NDUFAF6: variants seen among roughly 807,000 people sequenced by gnomAD.
NDUFAF6 encodes NADH:ubiquinone oxidoreductase complex assembly factor 6, also known as NADH dehydrogenase (ubiquinone) complex I, assembly factor 6.
In NDUFAF6, 45 loss-of-function variants were observed where a neutral mutation model predicts 40.8. The observed-to-expected ratio is 1.10, with a 90% CI of 0.87 to 1.42. NDUFAF6 has a LOEUF of 1.42. Ranked by LOEUF, NDUFAF6 falls within the 40% of genes most tolerant of loss-of-function variation. NDUFAF6 has a pLI of 0.00. For missense variants in NDUFAF6, 435 were observed against 418.5 expected (o/e 1.04, Z -0.34); for synonymous variants, 185 against 155.9 (o/e 1.19, Z -1.39).
downstream of NDUFAF6, among the ~76,000 whole-genome samples, chr8:95,077,265 A>G (rs889405102): frequency 6.6e-5 from 10 of 152,202 alleles, no homozygotes; most frequent in Admixed American, 5.9e-4. Flanking sequence ...TACAGTCTGG[A>G]GAGGGAGACA....
rs1396645533 is a variant in NDUFAF6, at chr8:95,049,247, G to C, written c.816+689G>C. ...TTTGACACCATAGACGTCTCTCTCT[G>C]TGTCACTTTCTGATTTTTCTTCCAT... On this transcript the variant is annotated intron_variant, in intron 7 of 8. Transcript: ENST00000396124. Among the ~76,000 whole-genome samples, 5 of 151,736 alleles carry C rather than the reference G, an allele frequency of 3.3e-5. 1 individual carries two copies. Among genetic ancestry groups the C allele is most frequent in the Admixed American group, 2.0e-4 (3 of 15,248 alleles).
chr8:94,935,431 C>A (rs2131340433), intron 1 of NDUFAF6, among the ~76,000 whole-genome samples: 1 of 152,296 alleles, frequency 6.6e-6, no homozygotes, highest in African/African-American at 2.4e-5. Flanking sequence ...TAGCTATATT[C>A]TCTGGACAAA....
chr8:95,111,322 A>G (rs1303032506), intron 4 of NDUFAF6, among the ~76,000 whole-genome samples: 1 of 152,234 alleles, frequency 6.6e-6, no homozygotes, highest in African/African-American at 2.4e-5. Context: ...TGCACAGACA[A>G]GTTGGAATAC....
intron 1 of NDUFAF6, among the ~76,000 whole-genome samples, chr8:94,937,667 G>A (rs1311334166): frequency 6.6e-6 from 1 of 151,888 alleles, no homozygotes; most frequent in African/African-American, 2.4e-5. Context: ...TGGATGCAAT[G>A]GTCCTAGGAC....
In NDUFAF6 at chr8:94,939,107, G is replaced by A. The variant is rs141268490; in HGVS notation, c.-935-6376G>A. 4.6e-5 allele frequency among the ~76,000 whole-genome samples: 7 copies of A among 152,334 alleles called. No individual in the cohort carries two copies. In the East Asian group the frequency reaches 1.3e-3, roughly 29 times the overall value. On this transcript the variant is annotated intron_variant, in intron 1 of 14. Coordinates refer to the NDUFAF6 transcript ENST00000396113. Reference sequence around the variant, plus strand: ...AGCACTGGGTGACTGTGCAGTGTGAGTATTGCAGGAAGAAACTGAGTTTGT... The same window carrying A: ...AGCACTGGGTGACTGTGCAGTGTGAATATTGCAGGAAGAAACTGAGTTTGT...
chr8:94,910,899 G>T (rs1269177385), intron 1 of NDUFAF6, among the ~76,000 whole-genome samples: 1 of 152,134 alleles, frequency 6.6e-6, no homozygotes, highest in African/African-American at 2.4e-5. Context: ...AATATATCAT[G>T]CAATTTTTTA....
At chr8:94,937,986 G>A (rs780775016) in intron 1 of NDUFAF6, among the ~76,000 whole-genome samples, 21 of 152,294 alleles carry the variant, frequency 1.4e-4, no homozygotes, top group Non-Finnish European at 2.8e-4. Flanking sequence ...CCCTTCCAGA[G>A]ATGGAAAAGT....
intron 1 of NDUFAF6, chr8:94,940,146 G>A (rs768358483): frequency 6.2e-7 from 1 of 1,614,098 alleles, no homozygotes; most frequent in Non-Finnish European, 8.5e-7. Context: ...AAGACTGAAG[G>A]GTGCTCAGTA....
chr8:94,963,057 C>G (rs951265566), intron 1 of NDUFAF6, among the ~76,000 whole-genome samples: 1 of 152,058 alleles, frequency 6.6e-6, no homozygotes, highest in African/African-American at 2.4e-5. Context: ...TCCCAAAGTG[C>G]TGGGATTACA....
intron 1 of NDUFAF6, among the ~76,000 whole-genome samples, chr8:94,970,822 A>G (rs577546187): frequency 6.6e-6 from 1 of 152,328 alleles, no homozygotes; most frequent in Non-Finnish European, 1.5e-5. Context: ...TTCTAGAAAA[A>G]GGGAAACTCA....
At chr8:95,015,185 T>C (rs1207872572) in intron 2 of NDUFAF6, among the ~76,000 whole-genome samples, 2 of 152,208 alleles carry the variant, frequency 1.3e-5, no homozygotes, top group African/African-American at 4.8e-5. Flanking sequence ...GTAGTCCATC[T>C]GTTTGGGACC....
At chr8:94,971,071 G>A (rs1824422581) in intron 1 of NDUFAF6, among the ~76,000 whole-genome samples, 1 of 152,174 alleles carries the variant, frequency 6.6e-6, no homozygotes, top group African/African-American at 2.4e-5. Context: ...TCTATGATCC[G>A]AAAAACTATT....
intron 2 of NDUFAF6, among the ~76,000 whole-genome samples, chr8:95,086,036 C>G (rs1002537375): frequency 6.6e-6 from 1 of 152,154 alleles, no homozygotes; most frequent in African/African-American, 2.4e-5. Flanking sequence ...ACAGCTTACC[C>G]AGCAACAGGA....
intron 1 of NDUFAF6, among the ~76,000 whole-genome samples, chr8:94,921,189 G>A (rs909516547): frequency 3.3e-5 from 5 of 152,218 alleles, no homozygotes; most frequent in Non-Finnish European, 4.4e-5. Flanking sequence ...CTCCCCTTCT[G>A]TCCTTCTTGC....
At chr8:94,984,536 CT>C (rs1172946885) in intron 2 of NDUFAF6, among the ~76,000 whole-genome samples, 1 of 152,196 alleles carries the variant, frequency 6.6e-6, no homozygotes, top group African/African-American at 2.4e-5. Flanking sequence ...ACATTTCCTT[CT>C]GAAACTCAGA....
At chr8:94,916,254 G>A (rs966814055) in intron 1 of NDUFAF6, among the ~76,000 whole-genome samples, 2 of 152,126 alleles carry the variant, frequency 1.3e-5, no homozygotes, top group Non-Finnish European at 2.9e-5. Context: ...ACATGGAATC[G>A]GAGGTGGTCC....
chr8:95,104,601 T>C (rs1809761466), downstream of NDUFAF6, among the ~76,000 whole-genome samples: 1 of 152,208 alleles, frequency 6.6e-6, no homozygotes, highest in South Asian at 2.1e-4. Context: ...GAAGATATAG[T>C]GTCCCCTCTG....
chr8:95,082,271 G>A (rs1808896001), intron 2 of NDUFAF6, among the ~76,000 whole-genome samples: 1 of 152,072 alleles, frequency 6.6e-6, no homozygotes, highest in Non-Finnish European at 1.5e-5. Context: ...GAGCCCAGGA[G>A]TTTGAGTCCA....
intron 2 of NDUFAF6, among the ~76,000 whole-genome samples, chr8:94,981,710 CAG>C (rs978895327): frequency 2.0e-5 from 3 of 152,142 alleles, no homozygotes; most frequent in African/African-American, 7.2e-5. Context: ...GAGAACTAGA[CAG>C]AGAGAATTTG....
Sources: gnomAD v4.1 joint callset for allele counts (sites outside exome capture counted in the v4.1 genomes callset) on GRCh38, gnomAD v4.1.1 for gene constraint, MANE v1.5 for transcripts, NCBI Gene and HGNC (gene_info 2026-07-23, HGNC 2026-07-21) for gene names.